Variants in AFF3 observed in about 807,000 individuals in gnomAD.
AFF3 encodes the protein ALF transcription elongation factor 3, also known as AF4/FMR2 family member 3.
A neutral mutation model predicts 129.7 loss-of-function variants in AFF3; 32 were observed. That is an observed-to-expected ratio of 0.25 (90% confidence interval 0.19 to 0.33). The LOEUF (loss-of-function observed/expected upper bound fraction) is 0.33, where lower values mean the gene tolerates loss of function less well. Among genes scored for constraint, AFF3 ranks in the 10% least tolerant of loss-of-function variants. The pLI is 1.00. For missense variants in AFF3, 1,373 were observed against 1,592.0 expected (o/e 0.86, Z 2.34); for synonymous variants, 644 against 635.4 (o/e 1.01, Z -0.20).
At chr2:100,026,545 T>A (rs1245553142) in intron 4 of AFF3, among the ~76,000 whole-genome samples, 1 of 152,114 alleles carries the variant, frequency 6.6e-6, no homozygotes, top group Non-Finnish European at 1.5e-5. Context: ...ATCCCACTAC[T>A]GGGTATCTAC....
intron 13 of AFF3, among the ~76,000 whole-genome samples, chr2:99,605,335 A>G (rs1387198221): frequency 3.9e-5 from 6 of 152,224 alleles, no homozygotes; most frequent in Non-Finnish European, 8.8e-5. Context: ...GATTAAATAT[A>G]TTCATGTTTC....
chr2:99,978,578 A>C (rs1429049912), intron 7 of AFF3, among the ~76,000 whole-genome samples: 1 of 152,192 alleles, frequency 6.6e-6, no homozygotes, highest in Non-Finnish European at 1.5e-5. Flanking sequence ...ACGTGTGTGC[A>C]TGGCATGGCA....
intron 13 of AFF3, among the ~76,000 whole-genome samples, chr2:99,621,502 T>C (rs1249148554): frequency 6.6e-6 from 1 of 152,132 alleles, no homozygotes; most frequent in Non-Finnish European, 1.5e-5. Flanking sequence ...TGGGTGAGGA[T>C]TTTTCTGCCA....
chr2:99,758,669 T>C (rs72817082), intron 8 of AFF3, among the ~76,000 whole-genome samples: 4,916 of 151,854 alleles, frequency 0.032, 265 homozygotes, highest in Admixed American at 0.14. Flanking sequence ...AAGATGATGA[T>C]GGCTCCTATT....
At chr2:99,912,701 C>A (rs147440099) in intron 7 of AFF3, among the ~76,000 whole-genome samples, 2 of 152,084 alleles carry the variant, frequency 1.3e-5, no homozygotes, top group African/African-American at 4.8e-5. Flanking sequence ...TCATACATAC[C>A]CAATGGATAA....
At chr2:99,745,633 A>G (rs1044489933) in intron 9 of AFF3, among the ~76,000 whole-genome samples, 2 of 152,168 alleles carry the variant, frequency 1.3e-5, no homozygotes, top group Non-Finnish European at 2.9e-5. Flanking sequence ...GGGTTTGGCA[A>G]TCATCCCACC....
chr2:99,781,556 C>G (rs1684411349), intron 8 of AFF3, among the ~76,000 whole-genome samples: 1 of 152,238 alleles, frequency 6.6e-6, no homozygotes, highest in African/African-American at 2.4e-5. Flanking sequence ...ACTTCACTCA[C>G]TGCTGTTATC....
intron 7 of AFF3, among the ~76,000 whole-genome samples, chr2:99,961,514 G>C (rs930030799): frequency 1.3e-5 from 2 of 152,120 alleles, no homozygotes; most frequent in Non-Finnish European, 2.9e-5. Context: ...TGGTCCACTT[G>C]ATGCACACAG....
chr2:100,028,850 G>A (rs189200588), intron 4 of AFF3, among the ~76,000 whole-genome samples: 132 of 152,294 alleles, frequency 8.7e-4, no homozygotes, highest in African/African-American at 3.0e-3. Context: ...GTGCAAAACA[G>A]CATGGGAGGT....
chr2:99,781,387 T>C (rs1290396669), intron 8 of AFF3, among the ~76,000 whole-genome samples: 1 of 152,244 alleles, frequency 6.6e-6, no homozygotes, highest in African/African-American at 2.4e-5. Flanking sequence ...ATCTGTTTAT[T>C]ATCTCCCCTT....
chr2:99,683,980 T>G (rs1674786382), intron 11 of AFF3, among the ~76,000 whole-genome samples: 1 of 152,222 alleles, frequency 6.6e-6, no homozygotes, highest in Non-Finnish European at 1.5e-5. Context: ...TGTAGTTCTC[T>G]TCTGTATCTC....
intron 18 of AFF3, among the ~76,000 whole-genome samples, chr2:99,576,323 G>A (rs896095704): frequency 2.0e-5 from 3 of 148,270 alleles, no homozygotes; most frequent in Admixed American, 6.8e-5. Flanking sequence ...GAGCCACTGC[G>A]CCCAGCCGTG....
intron 12 of AFF3, among the ~76,000 whole-genome samples, chr2:99,654,602 C>G (rs1042977622): frequency 6.6e-6 from 1 of 152,234 alleles, no homozygotes. Flanking sequence ...TTTTTCTCTT[C>G]CTAAATCTCA....
At chr2:99,720,836 C>A (rs1456761220) in intron 11 of AFF3, among the ~76,000 whole-genome samples, 1 of 152,122 alleles carries the variant, frequency 6.6e-6, no homozygotes, top group African/African-American at 2.4e-5. Context: ...GGGTATTATA[C>A]CACACATCTT....
intron 7 of AFF3, among the ~76,000 whole-genome samples, chr2:99,886,449 C>T (rs867972136): frequency 1.3e-4 from 19 of 151,568 alleles, no homozygotes; most frequent in African/African-American, 4.1e-4. Flanking sequence ...AAAGGAGGTA[C>T]GCGCAAGGTC....
chr2:99,714,050 C>T (rs575236304), intron 11 of AFF3, among the ~76,000 whole-genome samples: 2 of 152,260 alleles, frequency 1.3e-5, no homozygotes, highest in African/African-American at 4.8e-5. Flanking sequence ...GGAACCCGGA[C>T]CTTCCAATGT....
Position 99,836,230 on chromosome 2 carries a change from C to T in AFF3, c.921+1247G>A, listed in dbSNP as rs1251268345. Among the ~76,000 whole-genome samples the T allele has an allele frequency of 5.3e-5, 8 of 152,128 alleles. No individual in the cohort carries two copies. The South Asian group carries it at 1.0e-3, about 20-fold the overall frequency. On this transcript the variant is annotated intron_variant, in intron 8 of 24. Coordinates refer to ENST00000672756, the MANE Select transcript of AFF3 (RefSeq NM_001386135.1). ...CCTTTTGTGGACATAAACACTATAA[C>T]CAGTTAAAGGAAGATGGCTTAAAAA...
At chr2:99,874,199 C>T (rs970759067) in intron 7 of AFF3, among the ~76,000 whole-genome samples, 1 of 152,064 alleles carries the variant, frequency 6.6e-6, no homozygotes, top group East Asian at 1.9e-4. Flanking sequence ...AAACTCTACT[C>T]ACTGTAATTT....
chr2:100,057,814 A>G (rs1386100659), intron 4 of AFF3, among the ~76,000 whole-genome samples: 3 of 152,216 alleles, frequency 2.0e-5, no homozygotes, highest in Non-Finnish European at 4.4e-5. Flanking sequence ...TATAACAAAC[A>G]TAATTTGTGA....
Sources: gnomAD v4.1 joint callset for allele counts (sites outside exome capture counted in the v4.1 genomes callset) on GRCh38, gnomAD v4.1.1 for gene constraint, MANE v1.5 for transcripts, NCBI Gene and HGNC (gene_info 2026-07-23, HGNC 2026-07-21) for gene names.